Variants in CCDC138 observed in about 807,000 individuals in gnomAD.
The protein encoded by CCDC138 is coiled-coil domain-containing protein 138.
A neutral mutation model predicts 82.3 loss-of-function variants in CCDC138; 66 were observed. That is an observed-to-expected ratio of 0.80 (90% CI 0.66 to 0.98). The LOEUF is 0.98. Ranked by LOEUF, CCDC138 falls within the 50% of genes least tolerant of loss-of-function variation. The probability of loss-of-function intolerance (pLI) is 0.00; values close to 1 mark genes in which losing one functional copy is unlikely to be tolerated. For missense variants in CCDC138, 816 were observed against 758.9 expected (o/e 1.08, Z -0.88); for synonymous variants, 297 against 265.4 (o/e 1.12, Z -1.16).
chr2:108,800,357 T>C (rs1681691353), intron 6 of CCDC138, among the ~76,000 whole-genome samples: 1 of 152,108 alleles, frequency 6.6e-6, no homozygotes, highest in African/African-American at 2.4e-5. Context: ...CTCCACTTCC[T>C]GGGTTCAAGC....
At position 108,873,487 on chromosome 2, in the gene CCDC138, C is replaced by G; in HGVS notation, c.1730C>G (p.Ser577Cys). ...LQPFLEACSNSLFFRTCSVLL... is the reference protein window; with the variant it reads ...LQPFLEACSNCLFFRTCSVLL... ...CCTTTCCTGGAAGCCTGTAGCAACT[C>G]TTTATTTTTTCGTACTTGCTCTGTG... Residue 577 changes from serine to cysteine, a missense_variant, in exon 14 of 15, where the codon TCT becomes TGT. Coordinates refer to ENST00000295124, the MANE Select transcript of CCDC138 (RefSeq NM_144978.3). The G allele has an allele frequency of 6.2e-7, 1 of 1,607,190 alleles. No homozygotes were observed. Among genetic ancestry groups the G allele is most frequent in the East Asian group, 2.2e-5 (1 of 44,726 alleles).
intron 10 of CCDC138, among the ~76,000 whole-genome samples, chr2:108,836,877 G>A (rs977219023): frequency 6.6e-6 from 1 of 150,930 alleles, no homozygotes; most frequent in Non-Finnish European, 1.5e-5. Flanking sequence ...CATTGTTAGT[G>A]TATGGAAACA....
chr2:108,870,234 G>A (rs1056101589), intron 13 of CCDC138, among the ~76,000 whole-genome samples: 3 of 152,174 alleles, frequency 2.0e-5, no homozygotes, highest in Non-Finnish European at 4.4e-5. Flanking sequence ...TTTACTAGAA[G>A]AGTTCAACAG....
At chr2:108,797,646 A>C (rs1255066449) in intron 5 of CCDC138, among the ~76,000 whole-genome samples, 1 of 152,076 alleles carries the variant, frequency 6.6e-6, no homozygotes, top group Non-Finnish European at 1.5e-5. Flanking sequence ...AGGCAATATG[A>C]TCCTGAGCCT....
intron 9 of CCDC138, among the ~76,000 whole-genome samples, chr2:108,815,244 T>C (rs1684559424): frequency 6.6e-6 from 1 of 151,848 alleles, no homozygotes; most frequent in Non-Finnish European, 1.5e-5. Flanking sequence ...AAACCATTAA[T>C]TTTTTTTAGA....
At chr2:108,830,273 A>T (rs1441942071) in intron 10 of CCDC138, among the ~76,000 whole-genome samples, 1 of 152,244 alleles carries the variant, frequency 6.6e-6, no homozygotes, top group Non-Finnish European at 1.5e-5. Context: ...ATGGAGAGTT[A>T]TTATTTAATG....
At chr2:108,880,798 C>T (rs145287925), downstream of CCDC138, among the ~76,000 whole-genome samples, 144 of 152,272 alleles carry the variant, frequency 9.5e-4, no homozygotes, top group African/African-American at 3.2e-3. Flanking sequence ...ACAGTGCACC[C>T]AGTGACCAAA....
intron 6 of CCDC138, among the ~76,000 whole-genome samples, chr2:108,800,643 A>G (rs1425853998): frequency 2.2e-4 from 9 of 40,730 alleles, no homozygotes; most frequent in Admixed American, 9.8e-4. Context: ...TTTTTTAATT[A>G]TACTTTAAGT....
At chr2:108,849,183 A>G (rs1480068202) in intron 12 of CCDC138, among the ~76,000 whole-genome samples, 1 of 152,114 alleles carries the variant, frequency 6.6e-6, no homozygotes, top group Non-Finnish European at 1.5e-5. Flanking sequence ...TTACACAGAG[A>G]AAAAAAATCT....
At chr2:108,867,403 G>C (rs1480482618) in intron 13 of CCDC138, among the ~76,000 whole-genome samples, 1 of 152,218 alleles carries the variant, frequency 6.6e-6, no homozygotes, top group Admixed American at 6.5e-5. Flanking sequence ...TCAGGAATGA[G>C]AAGTAGAAGG....
chr2:108,814,594 CTATT>C (rs1177392770), intron 9 of CCDC138, among the ~76,000 whole-genome samples: 2 of 149,244 alleles, frequency 1.3e-5, no homozygotes, highest in Non-Finnish European at 3.0e-5. Flanking sequence ...TTAATGTTGC[CTATT>C]TATTAATTTG....
At chr2:108,880,224 C>CA (rs3028925), downstream of CCDC138, among the ~76,000 whole-genome samples, 10,934 of 50,260 alleles carry the variant, frequency 0.22, 472 homozygotes, top group Non-Finnish European at 0.25. Context: ...CAAAAACAAA[C>CA]AAAAAAAAAA....
intron 2 of CCDC138, among the ~76,000 whole-genome samples, chr2:108,788,427 GA>G (rs553782478): frequency 8.7e-6 from 1 of 115,280 alleles, no homozygotes; most frequent in Non-Finnish European, 1.8e-5. Context: ...TCTCAAAAAA[GA>G]AAAAAATAGG....
At chr2:108,854,706 C>T (rs1184760546) in intron 12 of CCDC138, among the ~76,000 whole-genome samples, 7 of 152,068 alleles carry the variant, frequency 4.6e-5, no homozygotes, top group Admixed American at 2.6e-4. Flanking sequence ...TGGCTGGGCT[C>T]GGCTGGGCTT....
intron 12 of CCDC138, among the ~76,000 whole-genome samples, chr2:108,851,237 TC>T (rs1163470765): frequency 2.0e-5 from 3 of 152,090 alleles, no homozygotes; most frequent in African/African-American, 7.2e-5. Flanking sequence ...TCCAGAAATC[TC>T]CATATGTCCA....
At chr2:108,858,072 A>G (rs1272814022) in intron 13 of CCDC138, among the ~76,000 whole-genome samples, 1 of 152,202 alleles carries the variant, frequency 6.6e-6, no homozygotes, top group African/African-American at 2.4e-5. Flanking sequence ...AGCCAGGTGC[A>G]GTGGCTCATG....
At chr2:108,804,608 A>C (rs530953437) in intron 6 of CCDC138, among the ~76,000 whole-genome samples, 1 of 152,236 alleles carries the variant, frequency 6.6e-6, no homozygotes, top group African/African-American at 2.4e-5. Context: ...GTGTGAGTGG[A>C]TTTTTCTGAG....
At chr2:108,810,717 G>GT (rs1296476255) in intron 7 of CCDC138, among the ~76,000 whole-genome samples, 1 of 152,192 alleles carries the variant, frequency 6.6e-6, no homozygotes, top group African/African-American at 2.4e-5. Flanking sequence ...TTTTGGGATA[G>GT]TTTGAGAATT....
chr2:108,850,405 T>A (rs1489112658), intron 12 of CCDC138, among the ~76,000 whole-genome samples: 1 of 152,154 alleles, frequency 6.6e-6, no homozygotes, highest in Admixed American at 6.6e-5. Flanking sequence ...AATAGACTGT[T>A]CATATAAGAA....
Sources: gnomAD v4.1 joint callset for allele counts (sites outside exome capture counted in the v4.1 genomes callset) on GRCh38, gnomAD v4.1.1 for gene constraint, MANE v1.5 for transcripts, NCBI Gene and HGNC (gene_info 2026-07-23, HGNC 2026-07-21) for gene names.